Variants in UBA3 observed in about 807,000 individuals in gnomAD.
UBA3 encodes the protein ubiquitin like modifier activating enzyme 3, also known as NEDD8-activating enzyme E1 catalytic subunit.
A neutral mutation model predicts 73.5 loss-of-function variants in UBA3; 26 were observed. The ratio of observed to expected loss-of-function variants is 0.35; its 90% CI spans 0.26 to 0.49. UBA3 has a LOEUF of 0.49. UBA3 is among the 20% of genes least tolerant of loss of function. UBA3 has a pLI of 0.98. For synonymous variants in UBA3, 217 were observed against 191.2 expected (o/e 1.13, Z -1.11); for missense variants, 495 against 555.6 (o/e 0.89, Z 1.10).
chr3:69,067,797 T>C (rs570271675), intron 6 of UBA3, 131 bp downstream of exon 6: 19 of 554,590 alleles, frequency 3.4e-5, no homozygotes, highest in African/African-American at 3.4e-4. Flanking sequence ...CCAGCAGTTA[T>C]CTCAGTAATA....
At chr3:69,063,603 T>G in intron 7 of UBA3, 100 bp from the exon 8 acceptor site, 1 of 961,522 alleles carries the variant, frequency 1.0e-6, no homozygotes, top group Non-Finnish European at 1.5e-6. Context: ...ACCACTCTGG[T>G]GCAAGATGTT....
intron 6 of UBA3, among the ~76,000 whole-genome samples, chr3:69,065,265 CT>C (rs1419642314): frequency 6.6e-6 from 1 of 151,994 alleles, no homozygotes; most frequent in Non-Finnish European, 1.5e-5. Context: ...TCCTTTTTCC[CT>C]ACAGGGGCCT....
At chr3:69,077,122 A>C (rs200801010) in intron 3 of UBA3, among the ~76,000 whole-genome samples, 1 of 139,964 alleles carries the variant, frequency 7.1e-6, no homozygotes, top group Non-Finnish European at 1.6e-5. Flanking sequence ...TTTTTTTTTT[A>C]TTTTTAATGC....
chr3:69,065,351 T>C (rs574034299), intron 6 of UBA3, among the ~76,000 whole-genome samples: 1 of 152,086 alleles, frequency 6.6e-6, no homozygotes, highest in Non-Finnish European at 1.5e-5. Flanking sequence ...TATAGGTAGG[T>C]ACCATGCACC....
chr3:69,070,489 A>G (rs1205537413), intron 5 of UBA3, among the ~76,000 whole-genome samples: 2 of 152,130 alleles, frequency 1.3e-5, no homozygotes, highest in African/African-American at 4.8e-5. Context: ...AAACTTCCTA[A>G]ATAGAGAGAG....
chr3:69,080,349 G>T lies in UBA3; in HGVS notation c.5C>A (p.Ala2Glu). Reference protein sequence around the residue: MADGEEPEKKRR... With the variant: MEDGEEPEKKRR... The stretch of plus-strand genomic sequence containing the variant: ...CGGTACTTACGGCTCCTCGCCATCC[G>T]CCATATTGTTCTCCGCCTCTTCCCA... The change falls in exon 1 of 18, where the codon GCG (alanine) becomes GAG (glutamate). Residue 2 changes from alanine to glutamate, a missense_variant. Physicochemically the swap from Ala to Glu is moderately radical, Grantham distance 107 (BLOSUM62 -1). Transcript: ENST00000361055. The T allele has an allele frequency of 1.9e-6, 3 of 1,599,430 alleles. No individual in the cohort carries two copies. The highest frequency in any genetic ancestry group is 2.6e-6 in the Non-Finnish European group (3 of 1,175,416).
chr3:69,056,070 A>G lies in UBA3; in HGVS notation c.1185-7T>C. 1 of 1,594,974 alleles carries G rather than the reference A, an allele frequency of 6.3e-7. No individual in the cohort carries two copies. Among genetic ancestry groups the G allele is most frequent in the South Asian group, 1.2e-5 (1 of 86,614 alleles). On this transcript the variant is annotated splice_region_variant and splice_polypyrimidine_tract_variant and intron_variant, in intron 15 of 17. Coordinates refer to ENST00000361055, the MANE Select transcript of UBA3 (RefSeq NM_003968.4). Reference sequence around the variant, plus strand: ...GGCTGGAGATTTCATTTGCCTAAAGATTATGATGAGAGAGAAGTATCAAAC... The same window carrying G: ...GGCTGGAGATTTCATTTGCCTAAAGGTTATGATGAGAGAGAAGTATCAAAC...
At chr3:69,063,771 T>A (rs894835814) in intron 7 of UBA3, among the ~76,000 whole-genome samples, 12 of 151,866 alleles carry the variant, frequency 7.9e-5, no homozygotes, top group Non-Finnish European at 1.8e-4. Flanking sequence ...AATTTGCACG[T>A]TCTAAGAAAC....
chr3:69,075,883 T>C (rs1406684193), intron 3 of UBA3, among the ~76,000 whole-genome samples: 3 of 152,064 alleles, frequency 2.0e-5, no homozygotes, highest in Non-Finnish European at 4.4e-5. Context: ...AGGTGTGCAC[T>C]ACCACACCTG....
At chr3:69,073,512 T>G (rs1174216883) in intron 4 of UBA3, among the ~76,000 whole-genome samples, 2 of 152,242 alleles carry the variant, frequency 1.3e-5, no homozygotes, top group African/African-American at 4.8e-5. Context: ...AACTAAAATG[T>G]GAGTCCCACC....
chr3:69,078,794 A>C (rs1443633949), intron 2 of UBA3, among the ~76,000 whole-genome samples: 1 of 152,150 alleles, frequency 6.6e-6, no homozygotes, highest in Non-Finnish European at 1.5e-5. Flanking sequence ...TTTTTAAAGA[A>C]TCTCTTAATG....
At chr3:69,062,603 A>G (rs2092030716) in intron 9 of UBA3, among the ~76,000 whole-genome samples, 1 of 152,220 alleles carries the variant, frequency 6.6e-6, no homozygotes, top group South Asian at 2.1e-4. Flanking sequence ...TTTAAAGTGG[A>G]TATGTAAACC....
intron 3 of UBA3, 69 bp from the exon 4 acceptor site, chr3:69,075,579 C>G (rs2092158927): frequency 2.2e-6 from 2 of 917,488 alleles, no homozygotes; most frequent in Non-Finnish European, 3.1e-6. Context: ...AAGCAACAAA[C>G]TTTAAAATAG....
chr3:69,068,050 T>C lies in UBA3; in HGVS notation c.348-42A>G, dbSNP rs148367137. On this transcript the variant is annotated intron_variant, in intron 5 of 17. Transcript: ENST00000361055. ...TAAATTATAATTCATATTATAAATC[T>C]ATATGATCTACATAACTTATTTTCA... The C allele has an allele frequency of 1.5e-5, 19 of 1,232,376 alleles. No homozygotes were observed. The African/African-American group carries it at 2.6e-4, about 17-fold the overall frequency. 76.3% of individuals were successfully genotyped at this position (1,232,376 alleles called of 1,614,324 possible). A position where few individuals can be genotyped will look rare whatever the true frequency, so the allele number is the denominator to read the frequency against.
chr3:69,060,884 C>A (rs1430222561), intron 11 of UBA3, among the ~76,000 whole-genome samples: 1 of 152,202 alleles, frequency 6.6e-6, no homozygotes, highest in Non-Finnish European at 1.5e-5. Context: ...TTGCCATCCC[C>A]CTTAGCTTTC....
At position 69,056,826 on chromosome 3, in the gene UBA3, G is replaced by A. The variant is rs1356666775; in HGVS notation, c.965-11C>T. 1.9e-6 allele frequency: 3 copies of A among 1,610,338 alleles called. No individual in the cohort carries two copies. The highest frequency in any genetic ancestry group is 2.5e-6 in the Non-Finnish European group (3 of 1,178,930). The stretch of plus-strand genomic sequence containing the variant: ...CAGTGGCACACACAGCTGAAGGGAG[G>A]AGAAAATACAGGTGCTTTAACTCAA... On this transcript the variant is annotated splice_polypyrimidine_tract_variant and intron_variant, in intron 12 of 17. Coordinates refer to ENST00000361055, the MANE Select transcript of UBA3 (RefSeq NM_003968.4).
chr3:69,080,233 C>CGGGGGCAGGGGGG, intron 1 of UBA3, 80 bp from the exon 2 acceptor site: 1 of 557,246 alleles, frequency 1.8e-6, no homozygotes, highest in Non-Finnish European at 3.1e-6. Context: ...GGGGACGGGG[C>CGGGGGCAGGGGGG]GGGGGGTGTG....
Position 69,061,810 on chromosome 3 carries a change from T to A in UBA3, c.910+4A>T. ...TCATAATTCATGACAATTTGCTGAC[T>A]TACCTTGAGTGAGCCTATACGTAAC... On this transcript the variant is annotated splice_donor_region_variant and intron_variant, in intron 11 of 17. Coordinates refer to ENST00000361055, the MANE Select transcript of UBA3 (RefSeq NM_003968.4). 6.4e-7 allele frequency: 1 copy of A among 1,568,388 alleles called. No homozygotes were observed. The highest frequency in any genetic ancestry group is 8.7e-7 in the Non-Finnish European group (1 of 1,154,564).
intron 11 of UBA3, among the ~76,000 whole-genome samples, chr3:69,058,147 G>T (rs903088637): frequency 6.6e-6 from 1 of 151,964 alleles, no homozygotes; most frequent in Non-Finnish European, 1.5e-5. Flanking sequence ...AGCCACGATG[G>T]TCTCGATATC....
Sources: allele counts gnomAD v4.1 joint callset (sites outside exome capture counted in the v4.1 genomes callset), GRCh38; gene constraint gnomAD v4.1.1; transcripts MANE v1.5; gene names NCBI Gene and HGNC (gene_info 2026-07-23, HGNC 2026-07-21).